Variants in SORBS2 observed in about 807,000 individuals in gnomAD.
SORBS2 encodes sorbin and SH3 domain-containing protein 2.
A neutral mutation model predicts 97.7 loss-of-function variants in SORBS2; 46 were observed. That is an observed-to-expected ratio of 0.47 (90% confidence interval 0.37 to 0.60). The LOEUF is 0.60. SORBS2 is among the 20% of genes least tolerant of loss of function. The pLI, the probability that SORBS2 is intolerant of heterozygous loss-of-function variation, is 0.00. For synonymous variants in SORBS2, 476 were observed against 473.4 expected (o/e 1.01, Z -0.07); for missense variants, 1,316 against 1,282.3 (o/e 1.03, Z -0.40).
At chr4:185,824,706 T>C (rs1441848209) in intron 1 of SORBS2, among the ~76,000 whole-genome samples, 1 of 152,154 alleles carries the variant, frequency 6.6e-6, no homozygotes, top group African/African-American at 2.4e-5. Flanking sequence ...TTTACTGAAT[T>C]GGCAGAAAGA....
At chr4:185,660,452 T>C (rs4466085), upstream of SORBS2, among the ~76,000 whole-genome samples, 54,218 of 152,116 alleles carry the variant, frequency 0.36, 11,705 homozygotes, top group Admixed American at 0.55. Flanking sequence ...AGTTTTACTT[T>C]CTTAACTCTA....
In SORBS2 at chr4:185,939,064, C is replaced by T. The variant is rs971808777; in HGVS notation, c.-338+17132G>A. Among the ~76,000 whole-genome samples, 6 of 152,306 alleles carry T rather than the reference C, an allele frequency of 3.9e-5. No homozygotes were observed. The South Asian group carries it at 1.2e-3, about 32-fold the overall frequency. ...AAAGGAATACTCAGTGCCTTTTTAT[C>T]TTTTGTTCAGCCCTTTAACCTCTGC... On this transcript the variant is annotated intron_variant, in intron 1 of 20. Transcript: ENST00000284776.
chr4:185,704,290 C>T lies in SORBS2; in HGVS notation c.-197-25468G>A, dbSNP rs572010037. Among the ~76,000 whole-genome samples the T allele has an allele frequency of 2.6e-5, 4 of 152,202 alleles. No individual in the cohort carries two copies. The South Asian group carries it at 8.3e-4, about 32-fold the overall frequency. On this transcript the variant is annotated intron_variant, in intron 2 of 20. Transcript: ENST00000284776. ...CCAGTATTCCTCACCTCAGAGAATG[C>T]TATCATTCATTCATTATTTTTTACA...
At chr4:185,652,788 G>T in intron 1 of SORBS2, 60 bp from the exon 10 acceptor site, 2 of 1,199,396 alleles carry the variant, frequency 1.7e-6, no homozygotes, top group Non-Finnish European at 2.5e-6. Flanking sequence ...TCGCTTCTCA[G>T]TGTTTTCATT....
chr4:185,781,582 G>T (rs934905389), intron 1 of SORBS2, among the ~76,000 whole-genome samples: 1 of 147,748 alleles, frequency 6.8e-6, no homozygotes, highest in African/African-American at 2.5e-5. Flanking sequence ...CATTGCCTCT[G>T]GCCCCTCCAG....
chr4:185,707,807 C>T (rs949309316), intron 2 of SORBS2, among the ~76,000 whole-genome samples: 2 of 152,124 alleles, frequency 1.3e-5, no homozygotes, highest in Non-Finnish European at 2.9e-5. Flanking sequence ...ACCATCAGAT[C>T]TCATGAGACT....
chr4:185,751,492 G>A (rs111805577), intron 2 of SORBS2, among the ~76,000 whole-genome samples: 1,787 of 152,246 alleles, frequency 0.012, 38 homozygotes, highest in Non-Finnish European at 0.015. Context: ...TTAGGCAAAG[G>A]CAACCTCTGA....
intron 2 of SORBS2, among the ~76,000 whole-genome samples, chr4:185,738,919 G>C (rs2098705274): frequency 1.3e-5 from 2 of 152,172 alleles, no homozygotes; most frequent in African/African-American, 4.8e-5. Flanking sequence ...TAATATGTTG[G>C]AAGTGATACC....
intron 1 of SORBS2, among the ~76,000 whole-genome samples, chr4:185,818,252 C>T (rs1423470552): frequency 1.3e-5 from 2 of 152,168 alleles, no homozygotes; most frequent in African/African-American, 4.8e-5. Flanking sequence ...TGCAATGGCA[C>T]AATCTTGGCT....
At chr4:185,715,248 T>C (rs982258965) in intron 2 of SORBS2, among the ~76,000 whole-genome samples, 5 of 152,192 alleles carry the variant, frequency 3.3e-5, no homozygotes, top group African/African-American at 1.2e-4. Context: ...AGGCATAAAA[T>C]GGGATTATGC....
chr4:185,865,143 T>C (rs1381623056), intron 1 of SORBS2, among the ~76,000 whole-genome samples: 1 of 152,200 alleles, frequency 6.6e-6, no homozygotes, highest in Non-Finnish European at 1.5e-5. Context: ...CTGTCTTTGA[T>C]ATGGCTGCCA....
chr4:185,740,145 TA>T (rs1018685828), intron 2 of SORBS2: 1 of 152,612 alleles, frequency 6.6e-6, no homozygotes. Context: ...ATCAGTGCTA[TA>T]AAAAATAGAT....
At chr4:185,754,891 C>T (rs576383637) in intron 2 of SORBS2, among the ~76,000 whole-genome samples, 1 of 152,272 alleles carries the variant, frequency 6.6e-6, no homozygotes, top group Admixed American at 6.5e-5. Context: ...CTTCTACGAG[C>T]CAGAAATTGT....
intron 4 of SORBS2, chr4:185,677,061 G>C (rs1184097925): frequency 1.1e-5 from 17 of 1,551,532 alleles, no homozygotes; most frequent in Non-Finnish European, 1.5e-5. Flanking sequence ...TTGCTGAAGA[G>C]GTATCTTTGC....
chr4:185,684,501 A>C lies in SORBS2; in HGVS notation c.-197-5679T>G, dbSNP rs562318626. 6.6e-4 allele frequency among the ~76,000 whole-genome samples: 100 copies of C among 151,832 alleles called. No homozygotes were observed. The highest frequency in any genetic ancestry group is 2.2e-3 in the African/African-American group (92 of 41,382). The stretch of plus-strand genomic sequence containing the variant: ...AAAAGTTTTTAGGTTAAAAAAAAAA[A>C]CCCCAAAACCTCTGAGTTATCTTAA... On this transcript the variant is annotated intron_variant, in intron 2 of 20. Coordinates refer to the SORBS2 transcript ENST00000284776. The surrounding 1 kb of genome is among the most constrained non-coding windows in gnomAD (Gnocchi z 4.2).
chr4:185,873,891 T>C (rs767853870), intron 1 of SORBS2, among the ~76,000 whole-genome samples: 1 of 152,168 alleles, frequency 6.6e-6, no homozygotes, highest in Non-Finnish European at 1.5e-5. Context: ...CTAAATAATG[T>C]GATTTCCCCC....
chr4:185,713,876 G>A (rs1475125534), intron 2 of SORBS2, among the ~76,000 whole-genome samples: 1 of 151,992 alleles, frequency 6.6e-6, no homozygotes, highest in African/African-American at 2.4e-5. Flanking sequence ...TTGTCGTTTT[G>A]TGTGAAACTA....
At chr4:185,846,628 T>C (rs937672198) in intron 1 of SORBS2, among the ~76,000 whole-genome samples, 11 of 152,228 alleles carry the variant, frequency 7.2e-5, no homozygotes, top group African/African-American at 2.4e-4. Context: ...GCAATCCTAT[T>C]GGGAACAATT....
chr4:185,796,295 C>T (rs567695072), intron 1 of SORBS2, among the ~76,000 whole-genome samples: 1 of 152,358 alleles, frequency 6.6e-6, no homozygotes, highest in East Asian at 1.9e-4. Context: ...TCCTATTTCA[C>T]CTTCCTGCTT....
Sources: gnomAD v4.1 joint callset for allele counts (sites outside exome capture counted in the v4.1 genomes callset) on GRCh38, gnomAD v4.1.1 for gene constraint, Gnocchi (gnomAD v3.1) non-coding constraint, MANE v1.5 for transcripts, NCBI Gene and HGNC (gene_info 2026-07-23, HGNC 2026-07-21) for gene names.